FAS: variants seen among roughly 807,000 people sequenced by gnomAD.
The protein encoded by FAS is tumor necrosis factor receptor superfamily member 6.
FAS carries 5 observed loss-of-function variants against 33.2 expected under a neutral mutation model. The observed-to-expected ratio is 0.15, with a 90% CI of 0.08 to 0.32. FAS has a LOEUF of 0.32. Ranked by LOEUF, FAS falls within the 10% of genes least tolerant of loss-of-function variation. FAS has a pLI of 1.00. For missense variants in FAS, 339 were observed against 386.0 expected (o/e 0.88, Z 1.02); for synonymous variants, 131 against 130.7 (o/e 1.00, Z -0.01).
At chr10:88,969,393 A>G (rs1411538976) in intron 1 of FAS, among the ~76,000 whole-genome samples, 4 of 152,230 alleles carry the variant, frequency 2.6e-5, no homozygotes, top group South Asian at 4.1e-4. Flanking sequence ...GTAAGGCTGA[A>G]TGGTCACTCT....
At chr10:88,989,209 CTT>C (rs1847021986), upstream of FAS, among the ~76,000 whole-genome samples, 2 of 152,184 alleles carry the variant, frequency 1.3e-5, no homozygotes, top group Non-Finnish European at 2.9e-5. Flanking sequence ...GAGTTGCTGG[CTT>C]ATAATTCACA....
upstream of FAS, among the ~76,000 whole-genome samples, chr10:88,987,491 T>C (rs1445149206): frequency 6.6e-6 from 1 of 152,222 alleles, no homozygotes; most frequent in East Asian, 1.9e-4. Context: ...TGTGGTTTCC[T>C]CTCAGCATGA....
chr10:88,972,061 A>G (rs1435710822), intron 1 of FAS, among the ~76,000 whole-genome samples: 2 of 151,900 alleles, frequency 1.3e-5, no homozygotes, highest in Non-Finnish European at 2.9e-5. Context: ...GGCTCACACC[A>G]CCACGCCCAG....
chr10:88,979,873 G>A (rs1016308200), intron 2 of FAS, among the ~76,000 whole-genome samples: 1 of 152,174 alleles, frequency 6.6e-6, no homozygotes, highest in African/African-American at 2.4e-5. Context: ...TCACACATGT[G>A]TAAAGCACCT....
intron 1 of FAS, among the ~76,000 whole-genome samples, chr10:88,996,555 G>A (rs937676555): frequency 2.6e-5 from 4 of 152,080 alleles, no homozygotes; most frequent in Admixed American, 2.6e-4. Context: ...TAATAACAAT[G>A]TATTGTATAC....
At chr10:89,008,666 A>G (rs1848369797) in intron 3 of FAS, among the ~76,000 whole-genome samples, 1 of 152,166 alleles carries the variant, frequency 6.6e-6, no homozygotes, top group African/African-American at 2.4e-5. Context: ...GGAGACGTCT[A>G]AGTATTGGTG....
intron 6 of FAS, chr10:89,011,074 G>T (rs559526912): frequency 1.1e-5 from 6 of 532,362 alleles, no homozygotes; most frequent in Admixed American, 9.6e-5. Context: ...TGCAGCAGCA[G>T]AATTGGCCAA....
rs1458932242 is a variant in FAS at position 89,014,622 on chromosome 10, G to C, written c.*172G>C. On this transcript the variant is annotated 3_prime_UTR_variant, in exon 9 of 9. Coordinates refer to ENST00000652046, the MANE Select transcript of FAS (RefSeq NM_000043.6). Reference sequence around the variant, plus strand: ...TAATATCTCATGATTCTGCCTCCAAGGATGTTTAAAATCTAGTTGGGAAAA... The same window carrying C: ...TAATATCTCATGATTCTGCCTCCAACGATGTTTAAAATCTAGTTGGGAAAA... 3 of 779,056 alleles carry C rather than the reference G, an allele frequency of 3.9e-6. No individual in the cohort carries two copies. The highest frequency in any genetic ancestry group is 6.5e-6 in the Non-Finnish European group (3 of 458,664). 48.3% of individuals were successfully genotyped at this position (779,056 alleles called of 1,614,324 possible).
At position 89,013,392 on chromosome 10, in the gene FAS, A is replaced by G. The variant is rs373508982; in HGVS notation, c.676+25A>G. 3.1e-6 allele frequency: 5 copies of G among 1,609,226 alleles called. No homozygotes were observed. The African/African-American group carries it at 5.3e-5, about 17-fold the overall frequency. Reference sequence around the variant, plus strand: ...GGTAAGGCTTTTATCATTTTATTTCATAGAGATGGCATCCTTTAGAGTAAT... The same window carrying G: ...GGTAAGGCTTTTATCATTTTATTTCGTAGAGATGGCATCCTTTAGAGTAAT... On this transcript the variant is annotated intron_variant, in intron 8 of 8. Transcript: ENST00000652046.
Position 89,014,497 on chromosome 10 carries a change from G to T in FAS, c.*47G>T, listed in dbSNP as rs759640869. ...TTCTGAGTATATGCAATTAGTGTTT[G>T]AAAAGATTCTTAATAGCTGGCTGTA... On this transcript the variant is annotated 3_prime_UTR_variant, in exon 9 of 9. Coordinates refer to ENST00000652046, the MANE Select transcript of FAS (RefSeq NM_000043.6). 1.3e-6 allele frequency: 2 copies of T among 1,553,490 alleles called. No homozygotes were observed. The highest frequency in any genetic ancestry group is 1.8e-6 in the Non-Finnish European group (2 of 1,139,720).
chr10:89,003,197 A>T lies in FAS; in HGVS notation c.196+3A>T, dbSNP rs370162732. On this transcript the variant is annotated splice_donor_region_variant and intron_variant, in intron 2 of 8. Transcript: ENST00000652046. ...CTGCCATAAGCCCTGTCCTCCAGGTATGTTACACAAAACATCCAGAGATTA... is the reference window on the plus strand; with the variant it reads ...CTGCCATAAGCCCTGTCCTCCAGGTTTGTTACACAAAACATCCAGAGATTA... The T allele has an allele frequency of 6.2e-7, 1 of 1,614,078 alleles. No homozygotes were observed. Among genetic ancestry groups the T allele is most frequent in the South Asian group, 1.1e-5 (1 of 91,082 alleles).
upstream of FAS, among the ~76,000 whole-genome samples, chr10:88,990,324 C>T (rs1036078014): frequency 1.3e-5 from 2 of 152,210 alleles, no homozygotes; most frequent in Non-Finnish European, 2.9e-5. This position sits in a 1 kb window ranked among gnomAD's most constrained non-coding sequence, Gnocchi z 4.9. Context: ...CAGGCAGGAC[C>T]TCTGCGCTCT....
intron 1 of FAS, chr10:88,973,103 T>C: frequency 7.0e-7 from 1 of 1,437,766 alleles, no homozygotes; most frequent in Non-Finnish European, 9.3e-7. Flanking sequence ...AACTTCTATG[T>C]TTTATTTTTC....
intron 4 of FAS, among the ~76,000 whole-genome samples, chr10:89,009,620 G>T (rs1848423927): frequency 6.6e-6 from 1 of 152,200 alleles, no homozygotes; most frequent in East Asian, 1.9e-4. Flanking sequence ...TAGAGAACCT[G>T]CCTTGTAAGT....
intron 8 of FAS, 80 bp downstream of exon 8, chr10:89,013,447 T>C: frequency 1.5e-6 from 2 of 1,324,948 alleles, no homozygotes; most frequent in Non-Finnish European, 2.2e-6. Flanking sequence ...ATAATGTTAC[T>C]AATTTCAGTG....
intron 1 of FAS, among the ~76,000 whole-genome samples, chr10:88,992,816 C>T (rs906819023): frequency 6.6e-6 from 1 of 152,144 alleles, no homozygotes; most frequent in Admixed American, 6.5e-5. Flanking sequence ...GTTTTGCGCT[C>T]ACGACATGCC....
At chr10:88,993,114 T>C (rs1847356913) in intron 1 of FAS, among the ~76,000 whole-genome samples, 1 of 152,178 alleles carries the variant, frequency 6.6e-6, no homozygotes, top group Non-Finnish European at 1.5e-5. Flanking sequence ...TTAACCCCTT[T>C]TGCTTCTCTT....
chr10:88,973,230 G>C (rs752777512), exon 2 of FAS: 2 of 1,612,502 alleles, frequency 1.2e-6, no homozygotes, highest in South Asian at 2.2e-5. Context: ...TTTGGAGATG[G>C]AGCCCCTGAA....
At chr10:88,979,724 T>G in intron 2 of FAS, among the ~76,000 whole-genome samples, 1 of 152,110 alleles carries the variant, frequency 6.6e-6, no homozygotes. Context: ...CTCAATTCGA[T>G]CAGAAAAGGT....
Sources: gnomAD v4.1 joint callset for allele counts (sites outside exome capture counted in the v4.1 genomes callset) on GRCh38, gnomAD v4.1.1 for gene constraint, Gnocchi (gnomAD v3.1) non-coding constraint, MANE v1.5 for transcripts, NCBI Gene and HGNC (gene_info 2026-07-23, HGNC 2026-07-21) for gene names.